Variants in KSR2 observed in about 807,000 individuals in gnomAD.
The protein encoded by KSR2 is kinase suppressor of ras 2.
Under a neutral mutation model 107.8 loss-of-function variants are expected in KSR2, and 25 were observed. The ratio of observed to expected loss-of-function variants is 0.23; its 90% CI spans 0.17 to 0.32. KSR2 has a LOEUF of 0.32. Among genes scored for constraint, KSR2 ranks in the 10% least tolerant of loss-of-function variants. The pLI is 1.00. For synonymous variants in KSR2, 480 were observed against 507.0 expected, an observed-to-expected ratio of 0.95 and a Z score of 0.71; for missense variants, 887 against 1,268.9, an observed-to-expected ratio of 0.70 and a Z score of 4.57.
At chr12:117,827,505 G>C (rs897750409) in intron 3 of KSR2, among the ~76,000 whole-genome samples, 2 of 152,154 alleles carry the variant, frequency 1.3e-5, no homozygotes, top group Non-Finnish European at 2.9e-5. Flanking sequence ...ATTCAATCAG[G>C]ATAATAATAA....
At chr12:117,549,091 C>G (rs1877094269) in intron 9 of KSR2, among the ~76,000 whole-genome samples, 2 of 152,240 alleles carry the variant, frequency 1.3e-5, no homozygotes, top group Admixed American at 1.3e-4. Flanking sequence ...GAAGGTAACT[C>G]TGATCCAACA....
chr12:117,593,488 C>T (rs1880444788), intron 5 of KSR2, among the ~76,000 whole-genome samples: 11 of 152,352 alleles, frequency 7.2e-5, no homozygotes, highest in Non-Finnish European at 1.5e-5. Context: ...TTGTGGATTG[C>T]ATGTTCCCAA....
At chr12:117,648,731 T>C (rs1173625256) in intron 5 of KSR2, among the ~76,000 whole-genome samples, 2 of 152,234 alleles carry the variant, frequency 1.3e-5, no homozygotes, top group Admixed American at 1.3e-4. Flanking sequence ...GGGGTGTTAC[T>C]GAAAATATTT....
At chr12:117,765,099 A>T (rs1889179086) in intron 3 of KSR2, among the ~76,000 whole-genome samples, 1 of 152,212 alleles carries the variant, frequency 6.6e-6, no homozygotes, top group Non-Finnish European at 1.5e-5. Context: ...ATTTAGCTGA[A>T]GCTAAATAGG....
intron 3 of KSR2, among the ~76,000 whole-genome samples, chr12:117,832,339 A>G (rs1281639919): frequency 6.6e-6 from 1 of 152,188 alleles, no homozygotes; most frequent in Admixed American, 6.5e-5. Context: ...CACATGTTTT[A>G]GGGGAGGAAA....
intron 3 of KSR2, among the ~76,000 whole-genome samples, chr12:117,822,692 T>C (rs1891607594): frequency 6.6e-6 from 1 of 152,166 alleles, no homozygotes; most frequent in Admixed American, 6.5e-5. Context: ...TATTCAACAC[T>C]TGACTATACA....
chr12:117,531,554 C>T lies in KSR2; in HGVS notation c.1729+112G>A, dbSNP rs148136542. ...TCCTGGAGTGTGGTGACTCCACTAC[C>T]CTCTTTGATCTTAGGCACCCCCACA... On this transcript the variant is annotated intron_variant, in intron 11 of 19. Transcript: ENST00000339824. 6.9e-6 allele frequency: 6 copies of T among 872,774 alleles called. 1 individual carries two copies. In the African/African-American group the frequency reaches 8.6e-5, roughly 12 times the overall value. 54.1% of individuals were successfully genotyped at this position (872,774 alleles called of 1,614,324 possible).
chr12:117,908,384 C>T (rs552851264), intron 1 of KSR2, among the ~76,000 whole-genome samples: 4 of 151,844 alleles, frequency 2.6e-5, no homozygotes, highest in East Asian at 3.9e-4. Context: ...AATGCATAAA[C>T]GCACCCCCAC....
chr12:117,746,624 C>T (rs1259460221), intron 4 of KSR2, among the ~76,000 whole-genome samples: 1 of 152,072 alleles, frequency 6.6e-6, no homozygotes, highest in Non-Finnish European at 1.5e-5. Context: ...GCAAAAGAAA[C>T]TAGCATCAGA....
At chr12:117,941,443 AGT>A in intron 1 of KSR2, among the ~76,000 whole-genome samples, 1 of 152,058 alleles carries the variant, frequency 6.6e-6, no homozygotes, top group Non-Finnish European at 1.5e-5. Flanking sequence ...TTCAACTCAA[AGT>A]GTACATTTTT....
chr12:117,703,340 G>A lies in KSR2; in HGVS notation c.987-35682C>T, dbSNP rs185185862. 7.2e-5 allele frequency among the ~76,000 whole-genome samples: 11 copies of A among 152,232 alleles called. No individual in the cohort carries two copies. In the East Asian group the frequency reaches 2.1e-3, roughly 29 times the overall value. On this transcript the variant is annotated intron_variant, in intron 4 of 19. Transcript: ENST00000339824. ...ATGAGTAGGGTAAGGTGCATGAGGT[G>A]CCTAGGATACTAAATTTAAGTTGAT...
intron 3 of KSR2, among the ~76,000 whole-genome samples, chr12:117,792,182 A>AAT (rs1555241051): frequency 4.0e-5 from 6 of 151,682 alleles, no homozygotes; most frequent in East Asian, 1.9e-4. Context: ...TACAAAAAAA[A>AAT]AAATAAATAA....
chr12:117,471,396 A>T, intron 17 of KSR2, 76 bp from the exon 18 acceptor site: 1 of 1,455,872 alleles, frequency 6.9e-7, no homozygotes, highest in Non-Finnish European at 9.2e-7. Context: ...ATTAGCACAC[A>T]CCCACCCAGC....
At chr12:117,790,649 T>C (rs1191744617) in intron 3 of KSR2, among the ~76,000 whole-genome samples, 4 of 152,228 alleles carry the variant, frequency 2.6e-5, no homozygotes, top group South Asian at 2.1e-4. Context: ...TTTTAATCTT[T>C]GTAGCTATCT....
rs368550228 is a variant in KSR2 at position 117,848,841 on chromosome 12, GTGA to G, written c.472+6584_472+6586del. 6.7e-3 allele frequency among the ~76,000 whole-genome samples: 945 copies of G among 141,838 alleles called. 6 individuals are homozygous for G. The highest frequency in any genetic ancestry group is 0.035 in the Middle Eastern group (10 of 282). The allele number at this position is 141,838 out of a possible 152,430, so 93.1% of individuals were successfully genotyped here. On this transcript the variant is annotated intron_variant, in intron 3 of 19. Coordinates refer to ENST00000339824, the MANE Select transcript of KSR2 (RefSeq NM_173598.6). ...GTGGGTGGTGATGGTGGTAGTGGTGGTGATGGTGATGATGGTGATGATGGTGAT... is the reference window on the plus strand; with the variant it reads ...GTGGGTGGTGATGGTGGTAGTGGTGGTGGTGATGATGGTGATGATGGTGAT...
Position 117,815,689 on chromosome 12 carries a change from T to G in KSR2, c.472+39739A>C, listed in dbSNP as rs182238826. Reference sequence around the variant, plus strand: ...GGGAAGGGTATAGAAAGTGTGTGTGTGGGGGGCGCAGACGCAGTGGCTCAG... The same window carrying G: ...GGGAAGGGTATAGAAAGTGTGTGTGGGGGGGGCGCAGACGCAGTGGCTCAG... On this transcript the variant is annotated intron_variant, in intron 3 of 19. Coordinates refer to ENST00000339824, the MANE Select transcript of KSR2 (RefSeq NM_173598.6). 1.7e-3 allele frequency among the ~76,000 whole-genome samples: 255 copies of G among 151,874 alleles called. 1 individual carries two copies. Among genetic ancestry groups the G allele is most frequent in the Admixed American group, 7.2e-3 (109 of 15,230 alleles).
rs1389592180 is a variant in KSR2, at chr12:117,454,253, T to C, written c.*12946A>G. ...TAGTGATATATTAAGTGCTCGTGGG[T>C]TGCACAAAGCTAAGAAAATTCAAGG... On this transcript the variant is annotated 3_prime_UTR_variant, in exon 20 of 20. Coordinates refer to ENST00000339824, the MANE Select transcript of KSR2 (RefSeq NM_173598.6). 6.6e-6 allele frequency: 1 copy of C among 152,218 alleles called. No homozygotes were observed. The highest frequency in any genetic ancestry group is 2.4e-5 in the African/African-American group (1 of 41,456). 9.4% of individuals were successfully genotyped at this position (152,218 alleles called of 1,614,324 possible). A position where few individuals can be genotyped will look rare whatever the true frequency, so the allele number is the denominator to read the frequency against.
At chr12:117,615,693 T>C (rs540192721) in intron 5 of KSR2, among the ~76,000 whole-genome samples, 31 of 152,264 alleles carry the variant, frequency 2.0e-4, no homozygotes, top group African/African-American at 7.5e-4. Flanking sequence ...CCTTTCGGCC[T>C]CGGTCAAGCC....
chr12:117,766,350 T>C (rs987906646), intron 3 of KSR2, among the ~76,000 whole-genome samples: 1 of 152,050 alleles, frequency 6.6e-6, no homozygotes, highest in Non-Finnish European at 1.5e-5. Flanking sequence ...GAGGCAAATC[T>C]ATAGAGAAAG....
Sources: gnomAD v4.1 joint callset for allele counts (sites outside exome capture counted in the v4.1 genomes callset) on GRCh38, gnomAD v4.1.1 for gene constraint, MANE v1.5 for transcripts, NCBI Gene and HGNC (gene_info 2026-07-23, HGNC 2026-07-21) for gene names.